CLSTN2: variants seen among roughly 807,000 people sequenced by gnomAD.
The protein encoded by CLSTN2 is calsyntenin-2.
CLSTN2 carries 48 observed loss-of-function variants against 101.2 expected under a neutral mutation model. That is an observed-to-expected ratio of 0.47 (90% CI 0.38 to 0.60). The LOEUF (loss-of-function observed/expected upper bound fraction) is 0.60. Among genes scored for constraint, CLSTN2 ranks in the 20% least tolerant of loss-of-function variants. The pLI is 0.00. For synonymous variants in CLSTN2, 481 were observed against 463.6 expected, an observed-to-expected ratio of 1.04 and a Z score of -0.48; for missense variants, 1,160 against 1,238.2, an observed-to-expected ratio of 0.94 and a Z score of 0.95.
chr3:140,524,012 C>T (rs1450319590), intron 8 of CLSTN2, among the ~76,000 whole-genome samples: 1 of 152,172 alleles, frequency 6.6e-6, no homozygotes, highest in Non-Finnish European at 1.5e-5. Context: ...GTATTGTAAG[C>T]ACAGATCAGG....
In CLSTN2 at chr3:140,071,727, A is replaced by C. The variant is rs374603652; in HGVS notation, c.110-104224A>C. ...GCGCCTGTAGTCCCAGCTACCCAGG[A>C]GGCTGAGGCAGGAGAATGGCATGAA... On this transcript the variant is annotated intron_variant, in intron 1 of 16. Coordinates refer to ENST00000458420, the MANE Select transcript of CLSTN2 (RefSeq NM_022131.3). 6.6e-5 allele frequency among the ~76,000 whole-genome samples: 10 copies of C among 152,248 alleles called. No individual in the cohort carries two copies. The East Asian group carries it at 1.9e-3, about 29-fold the overall frequency.
chr3:140,209,799 CA>C (rs2010833291), intron 2 of CLSTN2, among the ~76,000 whole-genome samples: 1 of 152,120 alleles, frequency 6.6e-6, no homozygotes, highest in South Asian at 2.1e-4. Context: ...GGAGTGAATT[CA>C]GTTCAGGTGG....
chr3:140,169,114 A>G (rs373486088), intron 1 of CLSTN2, among the ~76,000 whole-genome samples: 19 of 152,260 alleles, frequency 1.2e-4, no homozygotes, highest in African/African-American at 4.6e-4. Context: ...TGAGTCTGCC[A>G]AATAATGAAC....
chr3:140,531,807 C>T (rs1935260960), intron 8 of CLSTN2, among the ~76,000 whole-genome samples: 1 of 152,148 alleles, frequency 6.6e-6, no homozygotes, highest in Admixed American at 6.5e-5. Flanking sequence ...CACTAAGCTG[C>T]CTTCTGTAGC....
intron 1 of CLSTN2, among the ~76,000 whole-genome samples, chr3:140,121,335 TC>T (rs2107799336): frequency 1.3e-5 from 2 of 152,162 alleles, no homozygotes; most frequent in South Asian, 4.1e-4. Context: ...GGGGAAAACT[TC>T]CTGGGATTTC....
intron 2 of CLSTN2, among the ~76,000 whole-genome samples, chr3:140,368,895 G>C (rs1040170504): frequency 6.6e-6 from 1 of 152,120 alleles, no homozygotes; most frequent in Non-Finnish European, 1.5e-5. Flanking sequence ...TATCATTCAC[G>C]GATTTTCTTA....
chr3:140,565,403 A>G (rs1421860519), intron 16 of CLSTN2, among the ~76,000 whole-genome samples: 2 of 150,806 alleles, frequency 1.3e-5, no homozygotes, highest in Non-Finnish European at 3.0e-5. Flanking sequence ...ATCAATGCAG[A>G]ACATAAATCC....
chr3:140,195,856 C>T (rs1277607198), intron 2 of CLSTN2, among the ~76,000 whole-genome samples: 2 of 152,194 alleles, frequency 1.3e-5, no homozygotes, highest in Non-Finnish European at 2.9e-5. Context: ...GGTGCTTTTC[C>T]TATCCCACAT....
At chr3:139,992,600 G>A (rs1936133859) in intron 1 of CLSTN2, among the ~76,000 whole-genome samples, 1 of 152,190 alleles carries the variant, frequency 6.6e-6, no homozygotes, top group African/African-American at 2.4e-5. Flanking sequence ...CAGGCACTGT[G>A]CCAGACTCAT....
intron 8 of CLSTN2, among the ~76,000 whole-genome samples, chr3:140,513,021 G>A (rs1174132982): frequency 2.0e-5 from 3 of 152,124 alleles, no homozygotes; most frequent in Admixed American, 1.3e-4. Context: ...CAACTAAGAC[G>A]ATGGGATTTT....
chr3:140,008,407 G>C (rs1047390918), intron 1 of CLSTN2, among the ~76,000 whole-genome samples: 8 of 152,354 alleles, frequency 5.3e-5, no homozygotes, highest in African/African-American at 1.9e-4. Flanking sequence ...TCTTCAGCCT[G>C]CTGTGAACAC....
rs1935124999 is a variant in CLSTN2, at chr3:140,525,786, T to A, written c.1345-6538T>A. 2.6e-5 allele frequency among the ~76,000 whole-genome samples: 4 copies of A among 152,192 alleles called. No individual in the cohort carries two copies. In the South Asian group the frequency reaches 8.3e-4, roughly 32 times the overall value. On this transcript the variant is annotated intron_variant, in intron 8 of 16. Coordinates refer to ENST00000458420, the MANE Select transcript of CLSTN2 (RefSeq NM_022131.3). ...GGTTGATTCAACACATGCAAATCTA[T>A]AAATGTGATTCACCATGTGAACAGA...
At chr3:140,408,592 G>A (rs995314228) in intron 4 of CLSTN2, among the ~76,000 whole-genome samples, 4 of 152,082 alleles carry the variant, frequency 2.6e-5, no homozygotes, top group Non-Finnish European at 5.9e-5. Flanking sequence ...ATAGCCATAG[G>A]GGCCCCTCAC....
At chr3:140,035,396 T>C (rs2107761586) in intron 1 of CLSTN2, among the ~76,000 whole-genome samples, 1 of 152,360 alleles carries the variant, frequency 6.6e-6, no homozygotes, top group South Asian at 2.1e-4. Flanking sequence ...GCAGCCTGCC[T>C]GTGCTTTTCC....
chr3:140,246,088 A>C (rs1402311456), intron 2 of CLSTN2, among the ~76,000 whole-genome samples: 2 of 152,184 alleles, frequency 1.3e-5, no homozygotes, highest in African/African-American at 4.8e-5. Context: ...TCCAACTTGA[A>C]ATTTATTTTG....
chr3:139,969,069 G>T (rs1000401747), intron 1 of CLSTN2, among the ~76,000 whole-genome samples: 5 of 152,020 alleles, frequency 3.3e-5, no homozygotes, highest in African/African-American at 1.2e-4. Context: ...TTATTCCTCT[G>T]ACTTGTTCAC....
chr3:140,359,065 G>C (rs1274547294), intron 2 of CLSTN2, among the ~76,000 whole-genome samples: 1 of 151,736 alleles, frequency 6.6e-6, no homozygotes, highest in Admixed American at 6.6e-5. Flanking sequence ...CCATCACCCA[G>C]TGTCCCACCC....
At chr3:140,271,592 C>T (rs1046598041) in intron 2 of CLSTN2, among the ~76,000 whole-genome samples, 2 of 152,152 alleles carry the variant, frequency 1.3e-5, no homozygotes, top group Non-Finnish European at 2.9e-5. Context: ...TGACAACCTC[C>T]CTCAGGCCTC....
chr3:139,969,047 G>A (rs1378015273), intron 1 of CLSTN2, among the ~76,000 whole-genome samples: 3 of 139,760 alleles, frequency 2.1e-5, no homozygotes, highest in African/African-American at 8.0e-5. Context: ...GACTTGGTAT[G>A]TATATGCTTT....
Sources: allele counts gnomAD v4.1 joint callset (sites outside exome capture counted in the v4.1 genomes callset), GRCh38; gene constraint gnomAD v4.1.1; transcripts MANE v1.5; gene names NCBI Gene and HGNC (gene_info 2026-07-23, HGNC 2026-07-21).